Variants in TSEN2 observed in about 807,000 individuals in gnomAD.
TSEN2 encodes tRNA splicing endonuclease subunit 2, also known as tRNA-splicing endonuclease subunit Sen2.
TSEN2 carries 54 observed loss-of-function variants against 59.2 expected under a neutral mutation model. That is an observed-to-expected ratio of 0.91 (90% confidence interval 0.73 to 1.14). The LOEUF (loss-of-function observed/expected upper bound fraction) is 1.14, where lower values mean the gene tolerates loss of function less well. Ranked by LOEUF, TSEN2 falls within the 50% of genes most tolerant of loss-of-function variation. The pLI, the probability that TSEN2 is intolerant of heterozygous loss-of-function variation, is 0.00. For synonymous variants in TSEN2, 195 were observed against 198.2 expected, an observed-to-expected ratio of 0.98 and a Z score of 0.14; for missense variants, 636 against 576.2, an observed-to-expected ratio of 1.10 and a Z score of -1.06.
chr3:12,524,493 C>T (rs1256310076), intron 8 of TSEN2, among the ~76,000 whole-genome samples: 1 of 152,156 alleles, frequency 6.6e-6, no homozygotes, highest in African/African-American at 2.4e-5. Flanking sequence ...TGCATCCCTC[C>T]AGTCTCTACC....
At chr3:12,530,728 T>TA in intron 10 of TSEN2, 1 of 985,454 alleles carries the variant, frequency 1.0e-6, no homozygotes, top group Non-Finnish European at 1.2e-6. Flanking sequence ...CTAGAATTTT[T>TA]ATGCCCATTT....
At chr3:12,489,475 G>A (rs925469935) in intron 1 of TSEN2, among the ~76,000 whole-genome samples, 2 of 152,134 alleles carry the variant, frequency 1.3e-5, no homozygotes, top group African/African-American at 4.8e-5. Context: ...TGTTGTGCTT[G>A]CTCTCAGGAG....
intron 3 of TSEN2, among the ~76,000 whole-genome samples, chr3:12,496,160 A>C (rs1388995786): frequency 6.6e-6 from 1 of 152,250 alleles, no homozygotes; most frequent in Non-Finnish European, 1.5e-5. Context: ...AATGGAGATG[A>C]AGTGCATACC....
At chr3:12,510,190 T>C (rs1317914905) in intron 6 of TSEN2, among the ~76,000 whole-genome samples, 2 of 152,222 alleles carry the variant, frequency 1.3e-5, no homozygotes, top group African/African-American at 4.8e-5. Context: ...GTGCATGCAT[T>C]GGTCTGCCAC....
chr3:12,526,275 GACTC>G (rs1443090734), intron 8 of TSEN2, among the ~76,000 whole-genome samples: 2 of 152,120 alleles, frequency 1.3e-5, no homozygotes, highest in Non-Finnish European at 2.9e-5. Flanking sequence ...ATTCACTCAC[GACTC>G]ACTCACCCAG....
At chr3:12,481,561 G>C (rs1475297344), upstream of TSEN2, among the ~76,000 whole-genome samples, 6 of 152,272 alleles carry the variant, frequency 3.9e-5, no homozygotes, top group East Asian at 1.2e-3. Context: ...GAGTGCTGAA[G>C]TGCTGTCTGG....
intron 6 of TSEN2, among the ~76,000 whole-genome samples, chr3:12,516,089 A>T (rs929980085): frequency 1.2e-4 from 18 of 152,116 alleles, no homozygotes; most frequent in East Asian, 3.9e-4. Flanking sequence ...TTAGATTTTT[A>T]AAAAAATCTA....
intron 7 of TSEN2, among the ~76,000 whole-genome samples, chr3:12,517,315 G>A (rs1053610073): frequency 3.0e-5 from 4 of 131,240 alleles, no homozygotes; most frequent in Admixed American, 1.8e-4. Context: ...CCGAGATAGC[G>A]CCACTGCTCT....
At chr3:12,486,630 T>C (rs1456326547) in intron 1 of TSEN2, among the ~76,000 whole-genome samples, 1 of 152,234 alleles carries the variant, frequency 6.6e-6, no homozygotes, top group Non-Finnish European at 1.5e-5. Context: ...CGCGGAGTTA[T>C]GTAACCATTA....
At chr3:12,516,573 T>A (rs1317533045) in intron 6 of TSEN2, 38 bp from the exon 7 acceptor site, 1 of 1,608,372 alleles carries the variant, frequency 6.2e-7, no homozygotes, top group African/African-American at 1.3e-5. Flanking sequence ...AATGTGAAAC[T>A]ATTTGTAATG....
intron 8 of TSEN2, 116 bp from the exon 9 acceptor site, chr3:12,528,772 G>A (rs2057272966): frequency 3.9e-6 from 4 of 1,015,304 alleles, no homozygotes; most frequent in East Asian, 2.4e-5. Context: ...ATAGATTATT[G>A]AGTATTTGCT....
At chr3:12,533,893 G>A (rs1390736522), downstream of TSEN2, among the ~76,000 whole-genome samples, 1 of 152,116 alleles carries the variant, frequency 6.6e-6, no homozygotes, top group Non-Finnish European at 1.5e-5. Context: ...GCAAACATTT[G>A]GAGAGTGGGA....
chr3:12,513,432 A>T (rs952889028), intron 6 of TSEN2, among the ~76,000 whole-genome samples: 1 of 152,188 alleles, frequency 6.6e-6, no homozygotes, highest in African/African-American at 2.4e-5. Context: ...TCCAGAAAGG[A>T]GGAAAACTAA....
chr3:12,529,953 A>G, intron 10 of TSEN2, 80 bp downstream of exon 10: 4 of 1,562,686 alleles, frequency 2.6e-6, no homozygotes, highest in Non-Finnish European at 3.5e-6. Context: ...TAGTAGAATC[A>G]AAAAAGTTAG....
chr3:12,530,345 C>A, intron 10 of TSEN2: 1 of 986,874 alleles, frequency 1.0e-6, no homozygotes, highest in Non-Finnish European at 1.2e-6. Context: ...GGATGAGAAA[C>A]CAAGGTTGGA....
chr3:12,487,484 G>A (rs1575203855), intron 1 of TSEN2, among the ~76,000 whole-genome samples: 1 of 151,586 alleles, frequency 6.6e-6, no homozygotes, highest in Non-Finnish European at 1.5e-5. Context: ...CTTGAAGGTG[G>A]CCATTAAATC....
intron 9 of TSEN2, among the ~76,000 whole-genome samples, chr3:12,529,513 G>C (rs1036732517): frequency 6.6e-6 from 1 of 150,820 alleles, no homozygotes; most frequent in Non-Finnish European, 1.5e-5. Flanking sequence ...CTAAACAGTT[G>C]TGTGAATTTA....
intron 4 of TSEN2, among the ~76,000 whole-genome samples, chr3:12,502,739 C>A (rs1575304437): frequency 7.2e-6 from 1 of 139,170 alleles, no homozygotes; most frequent in African/African-American, 2.7e-5. Flanking sequence ...ATTGTAAAAG[C>A]AAAGAAACAA....
intron 6 of TSEN2, among the ~76,000 whole-genome samples, chr3:12,511,531 T>C (rs1033158549): frequency 1.3e-5 from 2 of 149,326 alleles, no homozygotes. Flanking sequence ...ATTAAAGATA[T>C]AAAGGGAAAT....
Sources: gnomAD v4.1 joint callset for allele counts (sites outside exome capture counted in the v4.1 genomes callset) on GRCh38, gnomAD v4.1.1 for gene constraint, MANE v1.5 for transcripts, NCBI Gene and HGNC (gene_info 2026-07-23, HGNC 2026-07-21) for gene names.